PCDHGA3: variants seen among roughly 807,000 people sequenced by gnomAD.
PCDHGA3 encodes protocadherin gamma subfamily A, 3.
PCDHGA3 carries 40 observed loss-of-function variants against 58.5 expected under a neutral mutation model. The observed-to-expected ratio is 0.68, with a 90% CI of 0.53 to 0.89. PCDHGA3 has a LOEUF of 0.89. Among genes scored for constraint, PCDHGA3 ranks in the 40% least tolerant of loss-of-function variants. The pLI is 0.00. For missense variants in PCDHGA3, 1,223 were observed against 1,195.9 expected (o/e 1.02, Z -0.33); for synonymous variants, 530 against 525.7 (o/e 1.01, Z -0.11).
In PCDHGA3 at chr5:141,352,702, T is replaced by C. The variant is rs372567445; in HGVS notation, c.2424+6245T>C. ...TCTGCAAATCTAGTTAAATTTTATA[T>C]ATGGCGGCCGGGCGCGGTGGCTCAA... On this transcript the variant is annotated intron_variant, in intron 1 of 3. Coordinates refer to ENST00000253812, the MANE Select transcript of PCDHGA3 (RefSeq NM_018916.4). 128 of 1,548,302 alleles carry C rather than the reference T, an allele frequency of 8.3e-5. No individual in the cohort carries two copies. In the African/African-American group the frequency reaches 1.1e-3, roughly 14 times the overall value.
intron 2 of PCDHGA3, among the ~76,000 whole-genome samples, chr5:141,499,209 C>G (rs1171702973): frequency 6.6e-6 from 1 of 152,096 alleles, no homozygotes; most frequent in Admixed American, 6.5e-5. Context: ...GGCTGTAACC[C>G]AGGCCCTGCC....
At chr5:141,385,487 A>G in intron 1 of PCDHGA3, 1 of 1,416,436 alleles carries the variant, frequency 7.1e-7, no homozygotes, top group Admixed American at 3.0e-5. Flanking sequence ...TATAGAACAC[A>G]TAGGATATAG....
intron 1 of PCDHGA3, among the ~76,000 whole-genome samples, chr5:141,450,561 A>G (rs1381887193): frequency 6.6e-6 from 1 of 151,856 alleles, no homozygotes; most frequent in Admixed American, 6.6e-5. Flanking sequence ...GTCTCGGCTC[A>G]CTGCAACTTC....
chr5:141,387,885 A>G, intron 1 of PCDHGA3: 2 of 1,578,800 alleles, frequency 1.3e-6, no homozygotes, highest in Non-Finnish European at 1.7e-6. Context: ...AGCAAGAGGG[A>G]TGGGGAGCGG....
At chr5:141,446,079 A>T (rs2098487021) in intron 1 of PCDHGA3, among the ~76,000 whole-genome samples, 1 of 152,234 alleles carries the variant, frequency 6.6e-6, no homozygotes, top group Non-Finnish European at 1.5e-5. Context: ...CAGTGGATGT[A>T]GAAATAAATG....
chr5:141,349,501 C>A (rs1758306150), intron 1 of PCDHGA3, among the ~76,000 whole-genome samples: 1 of 152,136 alleles, frequency 6.6e-6, no homozygotes, highest in Non-Finnish European at 1.5e-5. Context: ...AAATATCAGA[C>A]TTTGTCCTAC....
At chr5:141,488,472 T>C (rs1183465817) in intron 1 of PCDHGA3, among the ~76,000 whole-genome samples, 1 of 152,096 alleles carries the variant, frequency 6.6e-6, no homozygotes, top group East Asian at 1.9e-4. Context: ...CCAGAAATGT[T>C]CCCCTACCCA....
chr5:141,428,177 G>A lies in PCDHGA3; in HGVS notation c.2425-66630G>A, dbSNP rs754811645. The A allele has an allele frequency of 1.4e-5, 21 of 1,510,058 alleles. 1 individual carries two copies. The South Asian group carries it at 1.7e-4, about 12-fold the overall frequency. The allele number at this position is 1,510,058 out of a possible 1,614,324, so 93.5% of individuals were successfully genotyped here. ...CCTGCTGGTTGCTGTGCGTGACGGA[G>A]GACAGCCGCCGCTCTCTGCGCCGCT... On this transcript the variant is annotated intron_variant, in intron 1 of 3. Coordinates refer to ENST00000253812, the MANE Select transcript of PCDHGA3 (RefSeq NM_018916.4).
In PCDHGA3 at chr5:141,414,973, A is replaced by G. The variant is rs533056439; in HGVS notation, c.2424+68516A>G. 1.9e-5 allele frequency: 30 copies of G among 1,613,870 alleles called. No homozygotes were observed. The African/African-American group carries it at 3.7e-4, about 20-fold the overall frequency. Reference sequence around the variant, plus strand: ...GGTGACCAAGGTGGTGGCGGTGGACAGAGACTCCGGCCAGAACGCCTGGCT... The same window carrying G: ...GGTGACCAAGGTGGTGGCGGTGGACGGAGACTCCGGCCAGAACGCCTGGCT... On this transcript the variant is annotated intron_variant, in intron 1 of 3. Transcript: ENST00000253812.
chr5:141,419,872 A>G (rs1354880437), intron 1 of PCDHGA3: 1 of 1,614,094 alleles, frequency 6.2e-7, no homozygotes, highest in Admixed American at 1.7e-5. Flanking sequence ...TGCAAGAGGT[A>G]CTGCCGGATT....
intron 1 of PCDHGA3, among the ~76,000 whole-genome samples, chr5:141,353,535 A>G (rs1271691145): frequency 6.6e-6 from 1 of 152,196 alleles, no homozygotes; most frequent in Admixed American, 6.5e-5. Context: ...TATTTGCATC[A>G]CTAACTTTGA....
chr5:141,476,565 C>T lies in PCDHGA3; in HGVS notation c.2425-18242C>T. 6.2e-7 allele frequency: 1 copy of T among 1,614,184 alleles called. No individual in the cohort carries two copies. Among genetic ancestry groups the T allele is most frequent in the Non-Finnish European group, 8.5e-7 (1 of 1,180,034 alleles). On this transcript the variant is annotated intron_variant, in intron 1 of 3. Coordinates refer to ENST00000253812, the MANE Select transcript of PCDHGA3 (RefSeq NM_018916.4). This position sits in a 1 kb window ranked among gnomAD's most constrained non-coding sequence, Gnocchi z 7.6. ...TTGGAGATTAGCGAGGCCGTGGCTC[C>T]GGGGACGCGCTTTCCGCTCGAGAGC...
chr5:141,352,746 TAACC>T (rs1759100754), intron 1 of PCDHGA3: 2 of 1,439,708 alleles, frequency 1.4e-6, no homozygotes, highest in South Asian at 2.6e-5. Context: ...TCCCAGCACT[TAACC>T]AGGCTGAGGC....
intron 1 of PCDHGA3, chr5:141,428,279 C>A: frequency 2.7e-6 from 2 of 753,232 alleles, no homozygotes; most frequent in South Asian, 3.0e-5. Context: ...CCCTCTGATT[C>A]CCAAGCAAAG....
At chr5:141,445,169 T>C (rs2098458681) in intron 1 of PCDHGA3, among the ~76,000 whole-genome samples, 3 of 152,320 alleles carry the variant, frequency 2.0e-5, no homozygotes, top group Non-Finnish European at 1.5e-5. Flanking sequence ...TACAGAAAAA[T>C]GAAAAACTAT....
rs951164053 is a variant in PCDHGA3 at position 141,366,888 on chromosome 5, T to C, written c.2424+20431T>C. On this transcript the variant is annotated intron_variant, in intron 1 of 3. Coordinates refer to ENST00000253812, the MANE Select transcript of PCDHGA3 (RefSeq NM_018916.4). ...CTGTATTGGAGATTAATTTTTTTTA[T>C]ATAATTCATGCTTTCTCCATTTGTT... is the stretch of plus-strand genomic sequence containing the variant. 3.1e-6 allele frequency: 4 copies of C among 1,273,828 alleles called. No homozygotes were observed. The Admixed American group carries it at 7.6e-5, about 24-fold the overall frequency. The allele number at this position is 1,273,828 out of a possible 1,614,324, so 78.9% of individuals were successfully genotyped here. A position where few individuals can be genotyped will look rare whatever the true frequency, so the allele number is the denominator to read the frequency against.
intron 1 of PCDHGA3, chr5:141,367,307 G>A (rs540487021): frequency 1.3e-5 from 2 of 152,792 alleles, no homozygotes; most frequent in Non-Finnish European, 2.9e-5. Flanking sequence ...GGGAGGCTGA[G>A]GTGGGCGGAT....
At position 141,362,518 on chromosome 5, in the gene PCDHGA3, G is replaced by A. The variant is rs914330317; in HGVS notation, c.2424+16061G>A. 3.7e-6 allele frequency: 6 copies of A among 1,613,886 alleles called. No individual in the cohort carries two copies. In the East Asian group the frequency reaches 1.1e-4, roughly 30 times the overall value. ...TTGGGAACAAAATACAAATCATGGAGCCGCTGGGGTCCCTTTTGCCTCAGA... is the reference window on the plus strand; with the variant it reads ...TTGGGAACAAAATACAAATCATGGAACCGCTGGGGTCCCTTTTGCCTCAGA... On this transcript the variant is annotated intron_variant, in intron 1 of 3. Transcript: ENST00000253812.
intron 1 of PCDHGA3, among the ~76,000 whole-genome samples, chr5:141,348,363 C>T (rs1416750099): frequency 6.6e-6 from 1 of 152,072 alleles, no homozygotes; most frequent in East Asian, 1.9e-4. Context: ...GAGCCTAGGA[C>T]TTTGAGACCT....
Sources: allele counts gnomAD v4.1 joint callset (sites outside exome capture counted in the v4.1 genomes callset), GRCh38; gene constraint gnomAD v4.1.1; non-coding constraint Gnocchi (gnomAD v3.1); transcripts MANE v1.5; gene names NCBI Gene and HGNC (gene_info 2026-07-23, HGNC 2026-07-21).